CACNA1E: variants seen among roughly 807,000 people sequenced by gnomAD.
CACNA1E encodes the protein calcium voltage-gated channel subunit alpha1 E, also known as voltage-dependent R-type calcium channel subunit alpha-1E.
Under a neutral mutation model 259.2 loss-of-function variants are expected in CACNA1E, and 40 were observed. That is an observed-to-expected ratio of 0.15 (90% CI 0.12 to 0.20). The LOEUF is 0.20. Ranked by LOEUF, CACNA1E falls within the 10% of genes least tolerant of loss-of-function variation. The probability of loss-of-function intolerance (pLI) is 1.00; values close to 1 mark genes in which losing one functional copy is unlikely to be tolerated. For synonymous variants in CACNA1E, 1,104 were observed against 1,138.5 expected (o/e 0.97, Z 0.61); for missense variants, 1,874 against 3,040.1 (o/e 0.62, Z 9.02).
intron 7 of CACNA1E, among the ~76,000 whole-genome samples, chr1:181,656,188 C>T (rs1053265944): frequency 1.3e-5 from 2 of 152,258 alleles, no homozygotes; most frequent in South Asian, 4.1e-4. Flanking sequence ...AAAAAGTTAT[C>T]TGTAAAACAG....
chr1:181,536,347 G>A (rs1217302911), intron 3 of CACNA1E, among the ~76,000 whole-genome samples: 1 of 151,244 alleles, frequency 6.6e-6, no homozygotes, highest in Non-Finnish European at 1.5e-5. Context: ...TTGATTTCTG[G>A]GAACACTGCT....
intron 42 of CACNA1E, 109 bp from the exon 43 acceptor site, chr1:181,785,604 A>C: frequency 1.1e-6 from 1 of 927,454 alleles, no homozygotes; most frequent in South Asian, 1.3e-5. Flanking sequence ...AAAATGGTCA[A>C]ACAAGGGATA....
intron 3 of CACNA1E, among the ~76,000 whole-genome samples, chr1:181,519,076 T>A (rs517209): frequency 7.9e-5 from 12 of 152,012 alleles, no homozygotes; most frequent in Admixed American, 1.3e-4. Flanking sequence ...GCAGTTAAAC[T>A]CGTGCATTCT....
intron 25 of CACNA1E, among the ~76,000 whole-genome samples, chr1:181,742,188 A>T (rs1287022694): frequency 6.6e-6 from 1 of 151,954 alleles, no homozygotes; most frequent in Non-Finnish European, 1.5e-5. Context: ...TCCTTTCCTC[A>T]TTAATCGTAC....
intron 3 of CACNA1E, among the ~76,000 whole-genome samples, chr1:181,553,824 A>G (rs1340591342): frequency 6.6e-6 from 1 of 152,158 alleles, no homozygotes; most frequent in Non-Finnish European, 1.5e-5. Flanking sequence ...GCGTATGTTG[A>G]ACCAGCCTGG....
intron 3 of CACNA1E, among the ~76,000 whole-genome samples, chr1:181,554,481 G>A (rs1211543865): frequency 6.6e-6 from 1 of 152,110 alleles, no homozygotes; most frequent in Non-Finnish European, 1.5e-5. Flanking sequence ...TTCCTAGTCT[G>A]TTTGTCCAAT....
chr1:181,435,704 C>T (rs1359360809), intron 2 of CACNA1E, among the ~76,000 whole-genome samples: 3 of 152,112 alleles, frequency 2.0e-5, no homozygotes, highest in Non-Finnish European at 4.4e-5. Flanking sequence ...TGAATGCATC[C>T]GCCTACCTTT....
chr1:181,747,615 C>A (rs1020277732), intron 25 of CACNA1E, among the ~76,000 whole-genome samples: 27 of 151,948 alleles, frequency 1.8e-4, no homozygotes, highest in African/African-American at 6.3e-4. Flanking sequence ...AATTTTTGAA[C>A]CTGATAGAAA....
Position 181,798,896 on chromosome 1 carries a change from G to A in CACNA1E, c.*62G>A, listed in dbSNP as rs1662060672. 1 of 1,417,416 alleles carries A rather than the reference G, an allele frequency of 7.1e-7. No individual in the cohort carries two copies. The highest frequency in any genetic ancestry group is 9.3e-7 in the Non-Finnish European group (1 of 1,079,040). 87.8% of individuals were successfully genotyped at this position (1,417,416 alleles called of 1,614,324 possible). A position where few individuals can be genotyped will look rare whatever the true frequency, so the allele number is the denominator to read the frequency against. ...CATGGAGAAAACCAAGACAGAATTG[G>A]GAAGCCAGTGCGGCCCGGGGGGGAG... On this transcript the variant is annotated 3_prime_UTR_variant, in exon 48 of 48. Coordinates refer to ENST00000367573, the MANE Select transcript of CACNA1E (RefSeq NM_001205293.3). The surrounding 1 kb of genome is among the most constrained non-coding windows in gnomAD (Gnocchi z 4.2).
chr1:181,506,952 G>C (rs555273706), intron 1 of CACNA1E, among the ~76,000 whole-genome samples: 1 of 151,942 alleles, frequency 6.6e-6, no homozygotes, highest in Non-Finnish European at 1.5e-5. Flanking sequence ...CTTCATTACC[G>C]CAGCCATGAA....
At chr1:181,737,284 C>CT (rs1656131779) in intron 22 of CACNA1E, among the ~76,000 whole-genome samples, 4 of 152,184 alleles carry the variant, frequency 2.6e-5, no homozygotes, top group Admixed American at 2.0e-4. Context: ...ATGGCTCAGA[C>CT]GTGTCTGTGG....
At chr1:181,552,837 G>A (rs1027527777) in intron 3 of CACNA1E, among the ~76,000 whole-genome samples, 7 of 151,882 alleles carry the variant, frequency 4.6e-5, no homozygotes, top group African/African-American at 7.3e-5. Context: ...TGAGGTCTCT[G>A]TTCTGTTCCA....
upstream of CACNA1E, among the ~76,000 whole-genome samples, chr1:181,482,722 G>T (rs1663387710): frequency 6.6e-6 from 1 of 152,266 alleles, no homozygotes; most frequent in Admixed American, 6.5e-5. Flanking sequence ...GAGGGAGACT[G>T]AGCCGTTAGT....
chr1:181,389,859 A>G (rs1258133026), intron 1 of CACNA1E, among the ~76,000 whole-genome samples: 1 of 152,248 alleles, frequency 6.6e-6, no homozygotes, highest in Non-Finnish European at 1.5e-5. Context: ...AGAGATGTGC[A>G]TAGGTCCTAA....
At chr1:181,541,720 C>A (rs1668598580) in intron 3 of CACNA1E, among the ~76,000 whole-genome samples, 1 of 152,222 alleles carries the variant, frequency 6.6e-6, no homozygotes, top group Admixed American at 6.5e-5. Flanking sequence ...TTGAGTCACA[C>A]ATTCTTCAAG....
At chr1:181,710,160 C>T (rs1337808810) in intron 7 of CACNA1E, among the ~76,000 whole-genome samples, 1 of 152,160 alleles carries the variant, frequency 6.6e-6, no homozygotes, top group Non-Finnish European at 1.5e-5. Flanking sequence ...CTGACCTTCA[C>T]CTGAGTGTTC....
intron 6 of CACNA1E, among the ~76,000 whole-genome samples, chr1:181,641,238 C>T (rs529341521): frequency 1.6e-4 from 25 of 152,260 alleles, no homozygotes; most frequent in Non-Finnish European, 2.2e-4. Context: ...AACCTTATAG[C>T]GGCTTAGCAG....
chr1:181,719,556 A>T (rs1654235975), intron 12 of CACNA1E, among the ~76,000 whole-genome samples, 195 bp from the exon 13 acceptor site: 1 of 152,200 alleles, frequency 6.6e-6, no homozygotes, highest in Non-Finnish European at 1.5e-5. Context: ...AAAGTTAGGA[A>T]GGGGATTGGA....
At chr1:181,669,140 A>C (rs1432615206) in intron 7 of CACNA1E, 1 of 152,242 alleles carries the variant, frequency 6.6e-6, no homozygotes, top group Non-Finnish European at 1.5e-5. Flanking sequence ...GGTTGGGTAG[A>C]AAAGTTGAAT....
Sources: gnomAD v4.1 joint callset for allele counts (sites outside exome capture counted in the v4.1 genomes callset) on GRCh38, gnomAD v4.1.1 for gene constraint, Gnocchi (gnomAD v3.1) non-coding constraint, MANE v1.5 for transcripts, NCBI Gene and HGNC (gene_info 2026-07-23, HGNC 2026-07-21) for gene names.